DRD3: variants seen among roughly 807,000 people sequenced by gnomAD.
DRD3 encodes dopamine receptor D3.
A neutral mutation model predicts 36.3 loss-of-function variants in DRD3; 19 were observed. The observed-to-expected ratio is 0.52, with a 90% CI of 0.36 to 0.77. The LOEUF (loss-of-function observed/expected upper bound fraction) is 0.77. Among genes scored for constraint, DRD3 ranks in the 30% least tolerant of loss-of-function variants. The pLI, the probability that DRD3 is intolerant of heterozygous loss-of-function variation, is 0.00. For missense variants in DRD3, 465 were observed against 505.3 expected (o/e 0.92, Z 0.77); for synonymous variants, 195 against 203.7 (o/e 0.96, Z 0.36).
chr3:114,182,607 CT>C (rs941910229), upstream of DRD3, among the ~76,000 whole-genome samples: 2 of 151,844 alleles, frequency 1.3e-5, no homozygotes. Flanking sequence ...CTAATTTTTT[CT>C]TTTTTTCTTT....
chr3:114,129,700 G>C (rs2077409784), intron 6 of DRD3, among the ~76,000 whole-genome samples: 2 of 152,154 alleles, frequency 1.3e-5, no homozygotes, highest in African/African-American at 4.8e-5. Context: ...CACTGAACAG[G>C]ATGAACTGCC....
chr3:114,137,244 T>C (rs2077482722), intron 5 of DRD3, among the ~76,000 whole-genome samples: 3 of 152,228 alleles, frequency 2.0e-5, no homozygotes, highest in African/African-American at 4.8e-5. Context: ...CTTACCATTT[T>C]TCCTGTGGCA....
Position 114,147,559 on chromosome 3 carries a change from T to TG in DRD3, c.384-3dup. The TG allele has an allele frequency of 1.9e-6, 3 of 1,606,184 alleles. No individual in the cohort carries two copies. The highest frequency in any genetic ancestry group is 2.6e-6 in the Non-Finnish European group (3 of 1,173,568). ...ACGGGCATGACCACTGCAGTGTACCTGAAAAAGCAAGGGGAGAGGGGATAG... is the reference window on the plus strand; with the variant it reads ...ACGGGCATGACCACTGCAGTGTACCTGGAAAAAGCAAGGGGAGAGGGGATAG... On this transcript the variant is annotated splice_region_variant and splice_polypyrimidine_tract_variant and intron_variant, in intron 3 of 6. Coordinates refer to ENST00000383673, the MANE Select transcript of DRD3 (RefSeq NM_000796.6).
intron 3 of DRD3, among the ~76,000 whole-genome samples, chr3:114,156,332 C>A (rs927346360): frequency 6.6e-6 from 1 of 152,156 alleles, no homozygotes; most frequent in African/African-American, 2.4e-5. Context: ...AAAACCAAAC[C>A]ATTAAAGCAC....
In DRD3 at chr3:114,159,808, A is replaced by G. The variant is rs201092150; in HGVS notation, c.330T>C (p.Asp110=). The change falls in exon 3 of 7, where the codon GAT becomes GAC. Residue 110 remains aspartate (D), a synonymous_variant. Transcript: ENST00000383673. ...GGATGCTGGCTGTACACATCATGAC[A>G]TCCAGGGTGACAAAAACATCACAGC... ...RICCDVFVTL[D]VMMCTASILN... is the part of the protein sequence containing the mutation. 1.1e-5 allele frequency: 17 copies of G among 1,614,020 alleles called. No homozygotes were observed. The highest frequency in any genetic ancestry group is 1.3e-5 in the Non-Finnish European group (15 of 1,180,008).
At chr3:114,140,042 A>C (rs1173818805) in intron 4 of DRD3, among the ~76,000 whole-genome samples, 1 of 152,240 alleles carries the variant, frequency 6.6e-6, no homozygotes, top group Non-Finnish European at 1.5e-5. Flanking sequence ...ACACAGAGAC[A>C]TGCAGCCTGG....
At chr3:114,197,528 C>T (rs904627118) in intron 1 of DRD3, among the ~76,000 whole-genome samples, 10 of 151,950 alleles carry the variant, frequency 6.6e-5, no homozygotes, top group African/African-American at 2.4e-4. Flanking sequence ...GAAATCTTTG[C>T]CTAACCCAAG....
At chr3:114,149,235 CA>C (rs2107849349) in intron 3 of DRD3, among the ~76,000 whole-genome samples, 1 of 152,130 alleles carries the variant, frequency 6.6e-6, no homozygotes, top group Admixed American at 6.5e-5. Context: ...GTTAGAGAAC[CA>C]GGGAGGAGGT....
intron 1 of DRD3, among the ~76,000 whole-genome samples, chr3:114,178,277 G>A (rs1486283855): frequency 1.3e-5 from 2 of 152,156 alleles, no homozygotes; most frequent in East Asian, 3.8e-4. Context: ...CCAGGGTGCT[G>A]AATTGAGGAG....
chr3:114,190,041 G>A (rs557701888), intron 1 of DRD3, among the ~76,000 whole-genome samples: 138 of 152,164 alleles, frequency 9.1e-4, no homozygotes, highest in African/African-American at 2.6e-3. Context: ...GAAAAAAGCC[G>A]GAGTAACCTG....
rs183552301 is a variant in DRD3 at position 114,177,088 on chromosome 3, G to T, written c.-36+1569C>A. On this transcript the variant is annotated intron_variant, in intron 1 of 6. Coordinates refer to ENST00000383673, the MANE Select transcript of DRD3 (RefSeq NM_000796.6). ...ACTTTTTGGGGTGAGGCAGACAAAT[G>T]TGAAATGGGTACTAATTTTACAATC... 8.2e-4 allele frequency among the ~76,000 whole-genome samples: 125 copies of T among 152,258 alleles called. 4 individuals carry two copies. In the South Asian group the frequency reaches 0.014, roughly 17 times the overall value.
intron 1 of DRD3, among the ~76,000 whole-genome samples, chr3:114,187,387 C>G (rs2077981375): frequency 6.6e-6 from 1 of 152,196 alleles, no homozygotes; most frequent in South Asian, 2.1e-4. Context: ...TAAAGTATAT[C>G]TGCAATCCAT....
chr3:114,165,731 G>A (rs1342065543), intron 2 of DRD3, among the ~76,000 whole-genome samples: 1 of 152,044 alleles, frequency 6.6e-6, no homozygotes, highest in Non-Finnish European at 1.5e-5. Flanking sequence ...GCCACATTTG[G>A]AGTATTTCTT....
intron 3 of DRD3, among the ~76,000 whole-genome samples, chr3:114,150,317 C>G (rs1339142606): frequency 6.6e-6 from 1 of 152,212 alleles, no homozygotes; most frequent in African/African-American, 2.4e-5. Context: ...AGCCACCTTC[C>G]CACTTCTTTC....
At chr3:114,142,742 AAG>A (rs1344393344) in intron 4 of DRD3, among the ~76,000 whole-genome samples, 1 of 63,370 alleles carries the variant, frequency 1.6e-5, no homozygotes, top group Non-Finnish European at 4.3e-5. Context: ...AAAATATTGA[AAG>A]AGAGAGTTGA....
intron 3 of DRD3, among the ~76,000 whole-genome samples, chr3:114,149,079 T>G (rs1006741532): frequency 6.6e-6 from 1 of 152,234 alleles, no homozygotes; most frequent in East Asian, 1.9e-4. Flanking sequence ...CAGGCCTCAT[T>G]CCAGGTATTC....
intron 2 of DRD3, among the ~76,000 whole-genome samples, chr3:114,160,823 G>A (rs1222170690): frequency 6.6e-6 from 1 of 151,992 alleles, no homozygotes; most frequent in Non-Finnish European, 1.5e-5. Flanking sequence ...AACCAAAAGT[G>A]GGGAAAAGGG....
chr3:114,169,411 G>A (rs923157303), intron 2 of DRD3, among the ~76,000 whole-genome samples: 11 of 150,770 alleles, frequency 7.3e-5, no homozygotes, highest in African/African-American at 2.4e-4. Context: ...AAGCCAGTGA[G>A]GAGACGTCTC....
chr3:114,156,777 TTC>T (rs1559991108), intron 3 of DRD3, among the ~76,000 whole-genome samples: 1 of 124,272 alleles, frequency 8.0e-6, no homozygotes, highest in East Asian at 2.4e-4. Flanking sequence ...CTTTCTTTCT[TTC>T]TTTCTTTCTT....
Sources: gnomAD v4.1 joint callset for allele counts (sites outside exome capture counted in the v4.1 genomes callset) on GRCh38, gnomAD v4.1.1 for gene constraint, MANE v1.5 for transcripts, NCBI Gene and HGNC (gene_info 2026-07-23, HGNC 2026-07-21) for gene names.